The following ALDH16A1 variants were observed in gnomAD, a reference collection of about 807,000 sequenced individuals.
The protein encoded by ALDH16A1 is aldehyde dehydrogenase family 16 member A1.
In ALDH16A1, 88 loss-of-function variants were observed where a neutral mutation model predicts 96.1. That is an observed-to-expected ratio of 0.92 (90% CI 0.77 to 1.09). The LOEUF (loss-of-function observed/expected upper bound fraction) is 1.09. Ranked by LOEUF, ALDH16A1 falls within the 50% of genes least tolerant of loss-of-function variation. The pLI is 0.00. For synonymous variants in ALDH16A1, 522 were observed against 496.4 expected, an observed-to-expected ratio of 1.05 and a Z score of -0.69; for missense variants, 1,250 against 1,112.6, an observed-to-expected ratio of 1.12 and a Z score of -1.76.
Position 49,463,926 on chromosome 19 carries a change from G to C in ALDH16A1, c.1171G>C (p.Ala391Pro). 6.2e-7 allele frequency: 1 copy of C among 1,611,908 alleles called. No homozygotes were observed. The change falls in exon 9 of 17, where the codon GCC becomes CCC. Residue 391 changes from alanine to proline, a missense_variant. Physicochemically the swap from Ala to Pro is conservative, Grantham distance 27. Transcript: ENST00000293350. Reference protein sequence around the residue: ...PPTLVSNLPPASPCAQVEVPW... With the variant: ...PPTLVSNLPPPSPCAQVEVPW... ...AACCTTGGTCTCCAACCTGCCCCCA[G>C]CCTCCCCATGTGCCCAGGTGGAGGT...
Position 49,453,426 on chromosome 19 carries a change from G to A in ALDH16A1, c.90+5G>A, listed in dbSNP as rs1308779879. ...GAGAGCCACGCATGCGCACTGGTGA[G>A]AGTCTGCCCGGCCGGCGCTGCTCGC... On this transcript the variant is annotated splice_donor_5th_base_variant and intron_variant, in intron 1 of 16. Transcript: ENST00000293350. The A allele has an allele frequency of 1.3e-5, 20 of 1,535,484 alleles. No homozygotes were observed. Among genetic ancestry groups the A allele is most frequent in the Non-Finnish European group, 1.8e-5 (20 of 1,139,424 alleles).
Position 49,459,655 on chromosome 19 carries a change from T to C in ALDH16A1, c.321-15T>C, listed in dbSNP as rs375321103. The C allele has an allele frequency of 1.3e-6, 2 of 1,597,716 alleles. No individual in the cohort carries two copies. Among genetic ancestry groups the C allele is most frequent in the Non-Finnish European group, 1.7e-6 (2 of 1,171,992 alleles). On this transcript the variant is annotated splice_polypyrimidine_tract_variant and intron_variant, in intron 3 of 16. Transcript: ENST00000293350. This position sits in a 1 kb window ranked among gnomAD's most constrained non-coding sequence, Gnocchi z 4.1. ...GGGCCGTTGGAAAATGAGCACCCTC[T>C]TGCTTTCTCGACAGGCTGGCCGAGG...
chr19:49,457,966 C>T (rs913443497), intron 1 of ALDH16A1, among the ~76,000 whole-genome samples: 1 of 152,248 alleles, frequency 6.6e-6, no homozygotes, highest in East Asian at 1.9e-4. Context: ...ATAATCCCAG[C>T]ACTTTGGGAG....
At position 49,453,432 on chromosome 19, in the gene ALDH16A1, G is replaced by A. The variant is rs1304539134; in HGVS notation, c.90+11G>A. The A allele has an allele frequency of 4.4e-5, 68 of 1,529,282 alleles. No homozygotes were observed. Among genetic ancestry groups the A allele is most frequent in the Non-Finnish European group, 5.7e-5 (65 of 1,135,552 alleles). The allele number at this position is 1,529,282 out of a possible 1,614,324, so 94.7% of individuals were successfully genotyped here. A position where few individuals can be genotyped will look rare whatever the true frequency, so the allele number is the denominator to read the frequency against. On this transcript the variant is annotated intron_variant, in intron 1 of 16. Transcript: ENST00000293350. The stretch of plus-strand genomic sequence containing the variant: ...CACGCATGCGCACTGGTGAGAGTCT[G>A]CCCGGCCGGCGCTGCTCGCTGCGTT...
At position 49,465,920 on chromosome 19, in the gene ALDH16A1, G is replaced by A. The variant is rs770286562; in HGVS notation, c.1736+15G>A. ...GCTTTCCCTGGGTAAGGGGTCACAC[G>A]GGAAAGCCCAAGGGTCATGGTGTGG... On this transcript the variant is annotated intron_variant, in intron 13 of 16. Coordinates refer to ENST00000293350, the MANE Select transcript of ALDH16A1 (RefSeq NM_153329.4). 6 of 1,611,426 alleles carry A rather than the reference G, an allele frequency of 3.7e-6. No individual in the cohort carries two copies. Among genetic ancestry groups the A allele is most frequent in the Admixed American group, 3.4e-5 (2 of 59,662 alleles).
chr19:49,465,700 G>A (rs2079191651), intron 12 of ALDH16A1, 38 bp from the exon 13 acceptor site: 3 of 1,584,586 alleles, frequency 1.9e-6, no homozygotes, highest in South Asian at 2.3e-5. Flanking sequence ...AGCAGATTGA[G>A]GCCCCAGGAC....
Position 49,453,296 on chromosome 19 carries a change from C to T in ALDH16A1, c.-36C>T. On this transcript the variant is annotated 5_prime_UTR_variant, in exon 1 of 17. Transcript: ENST00000293350. ...TCAAGGTTCCCCTTAACACAGAGCG[C>T]CCCGCAGTCTTCGCGGAAAGCGTTC... 6 of 1,524,468 alleles carry T rather than the reference C, an allele frequency of 3.9e-6. No homozygotes were observed. Among genetic ancestry groups the T allele is most frequent in the Non-Finnish European group, 5.3e-6 (6 of 1,134,464 alleles). The allele number at this position is 1,524,468 out of a possible 1,614,324, so 94.4% of individuals were successfully genotyped here.
At chr19:49,455,888 A>T (rs932711622) in intron 1 of ALDH16A1, among the ~76,000 whole-genome samples, 1 of 149,896 alleles carries the variant, frequency 6.7e-6, no homozygotes, top group African/African-American at 2.5e-5. Context: ...CGTGAACTTT[A>T]TTTTTTTTTT....
At position 49,470,464 on chromosome 19, in the gene ALDH16A1, C is replaced by T; in HGVS notation, c.2406C>T (p.Asp802=). 6.4e-7 allele frequency: 1 copy of T among 1,566,482 alleles called. No individual in the cohort carries two copies. Among genetic ancestry groups the T allele is most frequent in the South Asian group, 1.2e-5 (1 of 85,580 alleles). ...AGGCCCTGTGGCTGCCTATGGGGGACTGATGCCTGAGCGCCACCTACTGCA... is the reference window on the plus strand; with the variant it reads ...AGGCCCTGTGGCTGCCTATGGGGGATTGATGCCTGAGCGCCACCTACTGCA... ...RTKALWLPMG[D] is the part of the protein sequence containing the mutation. Residue 802 remains aspartate, a synonymous_variant, in exon 17 of 17, where the codon GAC becomes GAT. Transcript: ENST00000293350.
At chr19:49,466,612 G>T (rs951950953) in intron 14 of ALDH16A1, among the ~76,000 whole-genome samples, 13 of 152,332 alleles carry the variant, frequency 8.5e-5, no homozygotes, top group African/African-American at 2.9e-4. Flanking sequence ...TGTAATCCCA[G>T]TACTTCGCGA....
intron 4 of ALDH16A1, among the ~76,000 whole-genome samples, 182 bp downstream of exon 4, chr19:49,460,030 C>T (rs2079129535): frequency 1.3e-5 from 2 of 152,202 alleles, no homozygotes; most frequent in African/African-American, 4.8e-5. Flanking sequence ...CCTGCCTCAG[C>T]CTCCTGAGTA....
intron 1 of ALDH16A1, among the ~76,000 whole-genome samples, chr19:49,454,037 T>TG (rs2079090823): frequency 2.0e-5 from 3 of 149,342 alleles, no homozygotes; most frequent in Admixed American, 6.7e-5. Context: ...TTTTGTTTTT[T>TG]TTTTTGAGCC....
Position 49,468,267 on chromosome 19 carries a change from A to G in ALDH16A1, c.1939-114A>G. On this transcript the variant is annotated intron_variant, in intron 14 of 16. Transcript: ENST00000293350. This position sits in a 1 kb window ranked among gnomAD's most constrained non-coding sequence, Gnocchi z 4.4. The stretch of plus-strand genomic sequence containing the variant: ...TCTGCGAAATGGCAGGGGCTTCCAC[A>G]ATGGTGCGGTTTGGGCCAACACCAA... 2.7e-6 allele frequency: 3 copies of G among 1,104,314 alleles called. No individual in the cohort carries two copies. Among genetic ancestry groups the G allele is most frequent in the Non-Finnish European group, 3.8e-6 (3 of 783,044 alleles). The allele number at this position is 1,104,314 out of a possible 1,614,324, so 68.4% of individuals were successfully genotyped here.
At chr19:49,463,978 A>AC in intron 9 of ALDH16A1, 29 bp downstream of exon 9, 1 of 1,591,146 alleles carries the variant, frequency 6.3e-7, no homozygotes, top group Non-Finnish European at 8.6e-7. Context: ...CAGAGCTCCT[A>AC]CCCACCGCCA....
rs543828065 is a variant in ALDH16A1 at position 49,468,620 on chromosome 19, A to G, written c.2124+54A>G. On this transcript the variant is annotated intron_variant, in intron 15 of 16. Transcript: ENST00000293350. The surrounding 1 kb of genome is among the most constrained non-coding windows in gnomAD (Gnocchi z 4.4). ...TCCCCGTAGCCTCAGGGCAGCAGAA[A>G]AAGGCGCCCCAAAGTCGGCAGGAGC... 1.4e-4 allele frequency: 218 copies of G among 1,576,702 alleles called. No homozygotes were observed. The East Asian group carries it at 4.6e-3, about 33-fold the overall frequency.
Position 49,468,386 on chromosome 19 carries a change from C to G in ALDH16A1, c.1944C>G (p.Ala648=), listed in dbSNP as rs770158264. 5 of 1,598,646 alleles carry G rather than the reference C, an allele frequency of 3.1e-6. No individual in the cohort carries two copies. Among genetic ancestry groups the G allele is most frequent in the Admixed American group, 1.7e-5 (1 of 59,946 alleles). The change falls in exon 15 of 17, where the codon GCC becomes GCG. Residue 648 remains alanine (A), a synonymous_variant. Coordinates refer to ENST00000293350, the MANE Select transcript of ALDH16A1 (RefSeq NM_153329.4). The surrounding 1 kb of genome is among the most constrained non-coding windows in gnomAD (Gnocchi z 4.4). ...TGACCCACCTGTCCCTGCAGGTAGCCGGGCTGAGAGGCCCTGTGCTGCGCC... is the reference window on the plus strand; with the variant it reads ...TGACCCACCTGTCCCTGCAGGTAGCGGGGCTGAGAGGCCCTGTGCTGCGCC... ...VQAQGHTLQV[A]GLRGPVLRLR...
chr19:49,458,691 A>G (rs2079119656), intron 2 of ALDH16A1, 103 bp downstream of exon 2: 2 of 1,292,990 alleles, frequency 1.5e-6, no homozygotes, highest in African/African-American at 1.5e-5. Flanking sequence ...AGGGCAGGAA[A>G]CAGCTGGTGG....
chr19:49,468,411 C>T lies in ALDH16A1; in HGVS notation c.1969C>T (p.Leu657=). The part of the protein sequence containing the change: ...VAGLRGPVLR[L]REPLGVLAVV... ...CGGGCTGAGAGGCCCTGTGCTGCGC[C>T]TGCGGGAGCCGCTGGGTGTGCTGGC... Residue 657 remains leucine, a synonymous_variant, in exon 15 of 17, where the codon CTG becomes TTG. Coordinates refer to ENST00000293350, the MANE Select transcript of ALDH16A1 (RefSeq NM_153329.4). This position sits in a 1 kb window ranked among gnomAD's most constrained non-coding sequence, Gnocchi z 4.4. The T allele has an allele frequency of 1.2e-6, 2 of 1,600,362 alleles. No homozygotes were observed. Among genetic ancestry groups the T allele is most frequent in the Non-Finnish European group, 1.7e-6 (2 of 1,179,806 alleles).
chr19:49,460,379 G>A (rs566128135), intron 4 of ALDH16A1, among the ~76,000 whole-genome samples: 21 of 150,314 alleles, frequency 1.4e-4, no homozygotes, highest in African/African-American at 4.2e-4. Context: ...CTGGGACTAC[G>A]ACCATGCACC....
Sources: allele counts gnomAD v4.1 joint callset (sites outside exome capture counted in the v4.1 genomes callset), GRCh38; gene constraint gnomAD v4.1.1; non-coding constraint Gnocchi (gnomAD v3.1); transcripts MANE v1.5; gene names NCBI Gene and HGNC (gene_info 2026-07-23, HGNC 2026-07-21).